Variants in AKAP6 observed in about 807,000 individuals in gnomAD.
AKAP6 encodes the protein A-kinase anchor protein 6.
AKAP6 carries 58 observed loss-of-function variants against 188.5 expected under a neutral mutation model. The observed-to-expected ratio is 0.31, with a 90% CI of 0.25 to 0.38. AKAP6 has a LOEUF of 0.38. Among genes scored for constraint, AKAP6 ranks in the 10% least tolerant of loss-of-function variants. AKAP6 has a pLI of 1.00. For synonymous variants in AKAP6, 989 were observed against 998.6 expected (o/e 0.99, Z 0.18); for missense variants, 2,710 against 2,740.0 (o/e 0.99, Z 0.24).
At chr14:32,680,360 GC>G (rs1219751802) in intron 8 of AKAP6, among the ~76,000 whole-genome samples, 1 of 152,164 alleles carries the variant, frequency 6.6e-6, no homozygotes, top group African/African-American at 2.4e-5. Context: ...GGGGTGTCCT[GC>G]CCTTAAAACT....
rs149002933 is a variant in AKAP6, at chr14:32,529,042, T to C, written c.325-6512T>C. ...ATAACTTTCTGGGTTTTTTACTGAG[T>C]TGAGGCTGTACATCAAGTTGGGAAG... is the stretch of plus-strand genomic sequence containing the variant. On this transcript the variant is annotated intron_variant, in intron 2 of 13. Coordinates refer to ENST00000280979, the MANE Select transcript of AKAP6 (RefSeq NM_004274.5). Among the ~76,000 whole-genome samples, 530 of 152,288 alleles carry C rather than the reference T, an allele frequency of 3.5e-3. 3 individuals carry two copies. Among genetic ancestry groups the C allele is most frequent in the African/African-American group, 0.012 (488 of 41,556 alleles).
At chr14:32,497,644 G>T (rs973794527) in intron 2 of AKAP6, among the ~76,000 whole-genome samples, 2 of 151,920 alleles carry the variant, frequency 1.3e-5, no homozygotes, top group African/African-American at 4.8e-5. Flanking sequence ...GGTCAAGTTG[G>T]TTGCTAGTGT....
rs117809322 is a variant in AKAP6, at chr14:32,684,034, G to A, written c.2879+5575G>A. 2.1e-3 allele frequency among the ~76,000 whole-genome samples: 320 copies of A among 152,292 alleles called. 8 individuals are homozygous for A. In the East Asian group the frequency reaches 0.052, roughly 25 times the overall value. Reference sequence around the variant, plus strand: ...CTAGGAGACAGATGTGGCATTCACTGAGGAGGGGAATGCAGAGGAAGAATA... The same window carrying A: ...CTAGGAGACAGATGTGGCATTCACTAAGGAGGGGAATGCAGAGGAAGAATA... On this transcript the variant is annotated intron_variant, in intron 8 of 13. Transcript: ENST00000280979.
intron 7 of AKAP6, among the ~76,000 whole-genome samples, chr14:32,620,575 G>A (rs879815139): frequency 2.6e-5 from 4 of 152,006 alleles, no homozygotes; most frequent in Non-Finnish European, 5.9e-5. Context: ...CTAGAATTTT[G>A]TTGAGGATTT....
intron 13 of AKAP6, among the ~76,000 whole-genome samples, chr14:32,825,545 A>G (rs924870624): frequency 5.9e-5 from 9 of 152,220 alleles, no homozygotes; most frequent in African/African-American, 2.2e-4. Context: ...ATTTCCATCA[A>G]ATTTTTTAAG....
At chr14:32,447,313 G>A (rs1890787752) in intron 2 of AKAP6, among the ~76,000 whole-genome samples, 1 of 152,056 alleles carries the variant, frequency 6.6e-6, no homozygotes, top group African/African-American at 2.4e-5. Flanking sequence ...CTACTTTTTT[G>A]TATAAAATTG....
At chr14:32,631,850 A>T (rs1189111557) in intron 7 of AKAP6, among the ~76,000 whole-genome samples, 2 of 152,094 alleles carry the variant, frequency 1.3e-5, no homozygotes, top group Non-Finnish European at 2.9e-5. Flanking sequence ...GTGAGTTGTT[A>T]ATGTTCTTTC....
chr14:32,543,300 G>T (rs988413350), intron 3 of AKAP6, among the ~76,000 whole-genome samples: 7 of 152,250 alleles, frequency 4.6e-5, no homozygotes, highest in African/African-American at 1.7e-4. Context: ...TGTGGTATTT[G>T]TCTTTCTGTG....
intron 7 of AKAP6, among the ~76,000 whole-genome samples, chr14:32,638,849 A>G (rs1887633533): frequency 6.6e-6 from 1 of 151,982 alleles, no homozygotes; most frequent in South Asian, 2.1e-4. Context: ...ACTATAATAT[A>G]CAACATAATA....
chr14:32,482,564 T>C (rs1957033), intron 2 of AKAP6, among the ~76,000 whole-genome samples: 97,764 of 152,068 alleles, frequency 0.64, 32,621 homozygotes, highest in East Asian at 0.86. Flanking sequence ...CACTGTTGGA[T>C]ACATACTATA....
intron 1 of AKAP6, among the ~76,000 whole-genome samples, chr14:32,364,129 G>T (rs1209269397): frequency 1.3e-5 from 2 of 152,138 alleles, no homozygotes; most frequent in African/African-American, 2.4e-5. Context: ...ACTGGGGAGA[G>T]GATGTAGAGA....
At chr14:32,652,168 G>T (rs7152438) in intron 7 of AKAP6, among the ~76,000 whole-genome samples, 140,589 of 152,178 alleles carry the variant, frequency 0.92, 65,095 homozygotes, top group East Asian at 1. Context: ...CCATAATAAT[G>T]AAGTTTACCA....
intron 7 of AKAP6, among the ~76,000 whole-genome samples, chr14:32,613,663 C>A (rs2139391710): frequency 6.6e-6 from 1 of 152,246 alleles, no homozygotes; most frequent in Admixed American, 6.5e-5. Context: ...TGCCAACTTG[C>A]TTACTGTGTT....
At chr14:32,538,121 A>G (rs1882768036) in intron 3 of AKAP6, among the ~76,000 whole-genome samples, 1 of 152,220 alleles carries the variant, frequency 6.6e-6, no homozygotes, top group African/African-American at 2.4e-5. Context: ...CTCTATAACC[A>G]TACTTCCTGA....
chr14:32,401,685 C>T (rs537627698), intron 1 of AKAP6, among the ~76,000 whole-genome samples: 2 of 152,166 alleles, frequency 1.3e-5, no homozygotes, highest in South Asian at 4.1e-4. Context: ...TTTCTGGCAA[C>T]CCTAGCTAAT....
chr14:32,732,651 A>T (rs1401346267), intron 10 of AKAP6, 51 bp downstream of exon 10: 3 of 1,588,310 alleles, frequency 1.9e-6, no homozygotes, highest in African/African-American at 2.7e-5. Flanking sequence ...TTTTTTGCGT[A>T]GTGAAGTACT....
chr14:32,766,762 G>C lies in AKAP6; in HGVS notation c.3373-6916G>C, dbSNP rs377096266. Among the ~76,000 whole-genome samples the C allele has an allele frequency of 7.9e-5, 12 of 152,188 alleles. No homozygotes were observed. The East Asian group carries it at 1.9e-3, about 25-fold the overall frequency. ...CTATGGTATCATCTGAAGTGCAAAA[G>C]CTTTAAATTTTGATGAAGCCCAAAA... On this transcript the variant is annotated intron_variant, in intron 11 of 13. Coordinates refer to ENST00000280979, the MANE Select transcript of AKAP6 (RefSeq NM_004274.5).
At chr14:32,500,904 T>C (rs947575325) in intron 2 of AKAP6, among the ~76,000 whole-genome samples, 1 of 152,094 alleles carries the variant, frequency 6.6e-6, no homozygotes, top group African/African-American at 2.4e-5. Context: ...GGCAGGTATG[T>C]ATACAGGGAA....
intron 1 of AKAP6, among the ~76,000 whole-genome samples, chr14:32,368,908 A>G (rs570002151): frequency 4.3e-4 from 65 of 152,226 alleles, no homozygotes; most frequent in African/African-American, 1.5e-3. Context: ...TGCTGAATAA[A>G]TGTGGACTTT....
Sources: gnomAD v4.1 joint callset for allele counts (sites outside exome capture counted in the v4.1 genomes callset) on GRCh38, gnomAD v4.1.1 for gene constraint, MANE v1.5 for transcripts, NCBI Gene and HGNC (gene_info 2026-07-23, HGNC 2026-07-21) for gene names.